ARHGAP26: variants seen among roughly 807,000 people sequenced by gnomAD.
ARHGAP26 encodes Rho GTPase activating protein 26.
A neutral mutation model predicts 104.8 loss-of-function variants in ARHGAP26; 38 were observed. The ratio of observed to expected loss-of-function variants is 0.36; its 90% CI spans 0.28 to 0.48. The LOEUF (loss-of-function observed/expected upper bound fraction) is 0.48. ARHGAP26 is among the 20% of genes least tolerant of loss of function. The pLI, the probability that ARHGAP26 is intolerant of heterozygous loss-of-function variation, is 0.99. For missense variants in ARHGAP26, 704 were observed against 947.9 expected (o/e 0.74, Z 3.38); for synonymous variants, 341 against 340.0 (o/e 1.00, Z -0.03).
In ARHGAP26 at chr5:143,142,283, C is replaced by T. The variant is rs750841899; in HGVS notation, c.1838-4948C>T. Among the ~76,000 whole-genome samples, 44 of 151,696 alleles carry T rather than the reference C, an allele frequency of 2.9e-4. 1 individual carries two copies. Among genetic ancestry groups the T allele is most frequent in the Admixed American group, 2.6e-4 (4 of 15,212 alleles). Reference sequence around the variant, plus strand: ...CCTCCTGAGTAGCTGGGACTGCATGCGCCCGCCACCACGCCCAGCTAAATT... The same window carrying T: ...CCTCCTGAGTAGCTGGGACTGCATGTGCCCGCCACCACGCCCAGCTAAATT... On this transcript the variant is annotated intron_variant, in intron 19 of 22. Transcript: ENST00000645722.
intron 1 of ARHGAP26, among the ~76,000 whole-genome samples, chr5:142,836,403 A>G (rs1323344648): frequency 6.6e-6 from 1 of 152,202 alleles, no homozygotes; most frequent in Admixed American, 6.5e-5. Context: ...AGAATTCAAG[A>G]TACTCTGTAA....
At position 142,806,473 on chromosome 5, in the gene ARHGAP26, A is replaced by ATG. The variant is rs34179083; in HGVS notation, c.154+35592_154+35593dup. ...GGCATAATAAGTTATAGGCAATGAA[A>ATG]TGTGTGTGTGTGTGTGTGTGTGTGT... On this transcript the variant is annotated intron_variant, in intron 1 of 22. Transcript: ENST00000645722. 5.3e-3 allele frequency among the ~76,000 whole-genome samples: 790 copies of ATG among 147,758 alleles called. 3 individuals carry two copies. Among genetic ancestry groups the ATG allele is most frequent in the Non-Finnish European group, 8.3e-3 (551 of 66,290 alleles).
intron 11 of ARHGAP26, among the ~76,000 whole-genome samples, chr5:143,012,818 T>C (rs1779083168): frequency 6.6e-6 from 1 of 151,046 alleles, no homozygotes; most frequent in African/African-American, 2.4e-5. Context: ...CATGCCTGGC[T>C]AATTTTTTGT....
intron 5 of ARHGAP26, among the ~76,000 whole-genome samples, chr5:142,887,502 G>A (rs1183110717): frequency 1.3e-5 from 2 of 152,154 alleles, no homozygotes; most frequent in Non-Finnish European, 2.9e-5. Context: ...TCCATTTTCT[G>A]TTCTCAAATT....
chr5:142,770,479 C>G lies in ARHGAP26; in HGVS notation c.-283C>G. On this transcript the variant is annotated 5_prime_UTR_variant, in exon 1 of 23. Transcript: ENST00000645722. ...GAGGCGGCGTCTGCACTCGCTCGCC[C>G]GCTCGCTCGCTTCCCGGCGCCGCTG... 5.2e-6 allele frequency: 1 copy of G among 192,700 alleles called. No individual in the cohort carries two copies. Among genetic ancestry groups the G allele is most frequent in the Non-Finnish European group, 1.1e-5 (1 of 92,242 alleles). The allele number at this position is 192,700 out of a possible 1,614,324, so 11.9% of individuals were successfully genotyped here.
chr5:143,122,042 C>T (rs1251859059), intron 18 of ARHGAP26, among the ~76,000 whole-genome samples: 1 of 152,228 alleles, frequency 6.6e-6, no homozygotes, highest in Non-Finnish European at 1.5e-5. Context: ...TACCTCTTGT[C>T]TGACTTTTTA....
intron 12 of ARHGAP26, among the ~76,000 whole-genome samples, chr5:143,028,791 TTCTG>T (rs1211640436): frequency 6.6e-6 from 1 of 152,192 alleles, no homozygotes; most frequent in Non-Finnish European, 1.5e-5. Context: ...CTACCTACAA[TTCTG>T]TCTGTGTGAC....
At chr5:142,873,354 G>T in intron 1 of ARHGAP26, 46 bp from the exon 2 acceptor site, 1 of 1,484,168 alleles carries the variant, frequency 6.7e-7, no homozygotes, top group South Asian at 1.2e-5. Context: ...CAGAAAGCCA[G>T]TTTAATTTTA....
intron 21 of ARHGAP26, among the ~76,000 whole-genome samples, 169 bp from the exon 22 acceptor site, chr5:143,213,828 A>G (rs1362740026): frequency 6.6e-6 from 1 of 152,084 alleles, no homozygotes; most frequent in Admixed American, 6.5e-5. Flanking sequence ...TTCTCCTGTG[A>G]TCTTTGCAGC....
intron 11 of ARHGAP26, among the ~76,000 whole-genome samples, chr5:143,009,584 T>G: frequency 6.6e-6 from 1 of 152,252 alleles, no homozygotes; most frequent in East Asian, 1.9e-4. Flanking sequence ...GTCATCATCA[T>G]CATTATTAAT....
At chr5:142,786,286 T>C (rs934558915) in intron 1 of ARHGAP26, among the ~76,000 whole-genome samples, 3 of 151,864 alleles carry the variant, frequency 2.0e-5, no homozygotes, top group Admixed American at 1.3e-4. Context: ...TTGGCCCTAA[T>C]ACATTTTTTA....
intron 20 of ARHGAP26, among the ~76,000 whole-genome samples, chr5:143,152,557 C>A (rs998408516): frequency 5.9e-5 from 9 of 152,308 alleles, no homozygotes; most frequent in Admixed American, 5.9e-4. Context: ...TGCCTGTAGG[C>A]CCATAGTAGA....
intron 11 of ARHGAP26, among the ~76,000 whole-genome samples, chr5:142,963,034 A>G (rs977463126): frequency 2.0e-5 from 3 of 151,744 alleles, no homozygotes; most frequent in African/African-American, 7.3e-5. Flanking sequence ...TCCCACTTGT[A>G]AGTGAAAACA....
chr5:143,120,884 A>G, intron 17 of ARHGAP26, 104 bp from the exon 18 acceptor site: 1 of 1,162,576 alleles, frequency 8.6e-7, no homozygotes, highest in Admixed American at 2.6e-5. Flanking sequence ...TGGCTCCTAC[A>G]GATGAGGAGT....
In ARHGAP26 at chr5:142,854,421, A is replaced by G. The variant is rs116500885; in HGVS notation, c.155-18979A>G. Among the ~76,000 whole-genome samples the G allele has an allele frequency of 2.7e-3, 413 of 152,270 alleles. 3 individuals are homozygous for G. The highest frequency in any genetic ancestry group is 9.7e-3 in the African/African-American group (402 of 41,524). On this transcript the variant is annotated intron_variant, in intron 1 of 22. Transcript: ENST00000645722. ...TGAGTGTCTGTCTCCAGTAGGTTGT[A>G]GGTTTGGGGAACGTAAGGACTATGT... is the stretch of plus-strand genomic sequence containing the variant.
At chr5:143,030,924 A>G (rs1007930346) in intron 12 of ARHGAP26, among the ~76,000 whole-genome samples, 1 of 152,244 alleles carries the variant, frequency 6.6e-6, no homozygotes, top group African/African-American at 2.4e-5. Context: ...CACACATATC[A>G]GTGTAAACTT....
At chr5:143,027,662 A>G (rs1300839096) in intron 12 of ARHGAP26, among the ~76,000 whole-genome samples, 1 of 152,132 alleles carries the variant, frequency 6.6e-6, no homozygotes, top group African/African-American at 2.4e-5. Flanking sequence ...ATGTTTGTGA[A>G]CCTCTTGGAA....
chr5:143,207,552 C>T (rs1808763547), intron 21 of ARHGAP26: 2 of 1,533,606 alleles, frequency 1.3e-6, no homozygotes, highest in Non-Finnish European at 1.8e-6. Flanking sequence ...CCCCTGCTCT[C>T]CTGTGGTTCC....
intron 1 of ARHGAP26, among the ~76,000 whole-genome samples, chr5:142,866,559 A>C (rs1754317930): frequency 6.6e-6 from 1 of 152,322 alleles, no homozygotes; most frequent in South Asian, 2.1e-4. Context: ...AGCCCAAATT[A>C]TTTTTAAGGG....
Sources: gnomAD v4.1 joint callset for allele counts (sites outside exome capture counted in the v4.1 genomes callset) on GRCh38, gnomAD v4.1.1 for gene constraint, MANE v1.5 for transcripts, NCBI Gene and HGNC (gene_info 2026-07-23, HGNC 2026-07-21) for gene names.